The following TNS3 variants were observed in gnomAD, a reference collection of about 807,000 sequenced individuals.
TNS3 encodes the protein tensin-3.
Under a neutral mutation model 140.9 loss-of-function variants are expected in TNS3, and 45 were observed. The ratio of observed to expected loss-of-function variants is 0.32; its 90% confidence interval spans 0.25 to 0.41. The LOEUF is 0.41. Among genes scored for constraint, TNS3 ranks in the 10% least tolerant of loss-of-function variants. The pLI is 1.00. For missense variants in TNS3, 1,716 were observed against 1,906.7 expected (o/e 0.90, Z 1.86); for synonymous variants, 815 against 788.4 (o/e 1.03, Z -0.56).
At chr7:47,414,914 C>T (rs1423543962) in intron 11 of TNS3, among the ~76,000 whole-genome samples, 180 bp downstream of exon 11, 1 of 152,186 alleles carries the variant, frequency 6.6e-6, no homozygotes, top group Admixed American at 6.5e-5. Context: ...CTTGGCCCAA[C>T]CACATAAACA....
Position 47,276,783 on chromosome 7 carries a change from T to C in TNS3, c.*1293A>G, listed in dbSNP as rs963930184. On this transcript the variant is annotated 3_prime_UTR_variant, in exon 31 of 31. Transcript: ENST00000311160. ...AACAGTGGCACTCAAAAACAGCTTGTCAGTACCGGGGTTTCTTCTCTTTTT... is the reference window on the plus strand; with the variant it reads ...AACAGTGGCACTCAAAAACAGCTTGCCAGTACCGGGGTTTCTTCTCTTTTT... 1 of 152,238 alleles carries C rather than the reference T, an allele frequency of 6.6e-6. No individual in the cohort carries two copies. Among genetic ancestry groups the C allele is most frequent in the Non-Finnish European group, 1.5e-5 (1 of 68,078 alleles). 9.4% of individuals were successfully genotyped at this position (152,238 alleles called of 1,614,324 possible). A position where few individuals can be genotyped will look rare whatever the true frequency, so the allele number is the denominator to read the frequency against.
At chr7:47,546,650 A>G (rs923799509) in intron 1 of TNS3, among the ~76,000 whole-genome samples, 45 of 151,756 alleles carry the variant, frequency 3.0e-4, no homozygotes, top group Admixed American at 9.2e-4. Context: ...TAAAAAAAAA[A>G]GTTTTTAAAT....
chr7:47,329,564 G>C (rs1788217246), intron 20 of TNS3, among the ~76,000 whole-genome samples: 1 of 152,184 alleles, frequency 6.6e-6, no homozygotes, highest in Non-Finnish European at 1.5e-5. Flanking sequence ...AAGATCCCTG[G>C]GACCTTCCTC....
intron 1 of TNS3, among the ~76,000 whole-genome samples, chr7:47,535,154 C>T (rs1003608965): frequency 6.6e-5 from 10 of 152,234 alleles, no homozygotes; most frequent in African/African-American, 2.4e-4. Context: ...CCCTGCCCAG[C>T]GCCTGGCAGA....
chr7:47,302,946 C>T lies in TNS3; in HGVS notation c.3457+4G>A, dbSNP rs367969773. On this transcript the variant is annotated splice_donor_region_variant and intron_variant, in intron 22 of 30. Transcript: ENST00000311160. The stretch of plus-strand genomic sequence containing the variant: ...CCCTTCCAACCAGCTGGAAACACAC[C>T]TACCTGGCAGAGGTGAGGCCGCTTC... The T allele has an allele frequency of 6.3e-7, 1 of 1,593,086 alleles. No individual in the cohort carries two copies. The highest frequency in any genetic ancestry group is 8.6e-7 in the Non-Finnish European group (1 of 1,167,520).
intron 2 of TNS3, among the ~76,000 whole-genome samples, chr7:47,514,482 G>A (rs891154634): frequency 1.9e-4 from 29 of 152,234 alleles, no homozygotes; most frequent in African/African-American, 5.5e-4. Context: ...TGGGTTAACT[G>A]CGTGGAACAA....
intron 3 of TNS3, among the ~76,000 whole-genome samples, chr7:47,498,603 T>A (rs1209720950): frequency 2.0e-5 from 3 of 152,206 alleles, no homozygotes; most frequent in Non-Finnish European, 2.9e-5. Flanking sequence ...AAAACAAATA[T>A]CTTGTTTCAA....
chr7:47,352,329 CACAG>C lies in TNS3; in HGVS notation c.2282-5977_2282-5974del, dbSNP rs558236024. Among the ~76,000 whole-genome samples, 1,175 of 152,302 alleles carry C rather than the reference CACAG, an allele frequency of 7.7e-3. 18 individuals carry two copies. The highest frequency in any genetic ancestry group is 0.027 in the African/African-American group (1,120 of 41,548). On this transcript the variant is annotated intron_variant, in intron 17 of 30. Transcript: ENST00000311160. ...ACATTCAGTCTCAGTCTTGTACACT[CACAG>C]ACAGCCTCACACAGTCTCACACTCA...
At chr7:47,298,906 G>A (rs978017945) in intron 23 of TNS3, among the ~76,000 whole-genome samples, 2 of 152,244 alleles carry the variant, frequency 1.3e-5, no homozygotes, top group South Asian at 2.1e-4. Flanking sequence ...TAAACAGCAC[G>A]CAGTGGGAAG....
chr7:47,303,089 C>T lies in TNS3; in HGVS notation c.3318G>A (p.Glu1106=), dbSNP rs771572553. ...AGACTGAGCCCAAAGAACGATCCCC[C>T]TCCGAGGCCCGCTTCTTCTCAGGGA... ...PPLPEKKRAS[E]GDRSLGSVSP... Residue 1106 remains glutamate (E), a synonymous_variant, in exon 22 of 31, where the codon GAG becomes GAA. Coordinates refer to ENST00000311160, the MANE Select transcript of TNS3 (RefSeq NM_022748.12). 6.2e-7 allele frequency: 1 copy of T among 1,614,158 alleles called. No homozygotes were observed. Among genetic ancestry groups the T allele is most frequent in the African/African-American group, 1.3e-5 (1 of 75,076 alleles).
intron 3 of TNS3, among the ~76,000 whole-genome samples, chr7:47,500,099 A>G (rs191319441): frequency 4.9e-4 from 74 of 152,104 alleles, no homozygotes; most frequent in African/African-American, 1.7e-3. Flanking sequence ...ACACACACGC[A>G]CACACACACA....
intron 3 of TNS3, among the ~76,000 whole-genome samples, chr7:47,487,267 T>C (rs1225438631): frequency 2.7e-5 from 4 of 148,714 alleles, no homozygotes; most frequent in Admixed American, 1.4e-4. Context: ...CACTCCAGCC[T>C]GGGCGACAGA....
At chr7:47,476,649 A>G (rs1487217425) in intron 4 of TNS3, among the ~76,000 whole-genome samples, 1 of 152,196 alleles carries the variant, frequency 6.6e-6, no homozygotes, top group Admixed American at 6.5e-5. Flanking sequence ...GACGTGGTGC[A>G]TGCCCCTGAT....
chr7:47,354,914 C>T (rs991496931), intron 17 of TNS3, among the ~76,000 whole-genome samples: 2 of 152,236 alleles, frequency 1.3e-5, no homozygotes, highest in African/African-American at 4.8e-5. Flanking sequence ...GCAGTCCCCA[C>T]ACCAGGCATT....
intron 20 of TNS3, among the ~76,000 whole-genome samples, chr7:47,308,621 A>G (rs1473292800): frequency 6.6e-6 from 1 of 152,186 alleles, no homozygotes; most frequent in Non-Finnish European, 1.5e-5. Flanking sequence ...AGTTGCTTAG[A>G]AACATTTTTA....
At chr7:47,467,168 G>C (rs541347633) in intron 4 of TNS3, among the ~76,000 whole-genome samples, 21 of 152,200 alleles carry the variant, frequency 1.4e-4, no homozygotes, top group Non-Finnish European at 2.9e-4. Context: ...CATGACCCCA[G>C]GTTCTCTTCA....
rs193034418 is a variant in TNS3 at position 47,473,061 on chromosome 7, G to A, written c.-76+8042C>T. On this transcript the variant is annotated intron_variant, in intron 4 of 30. Coordinates refer to ENST00000311160, the MANE Select transcript of TNS3 (RefSeq NM_022748.12). ...CGCCCACGCAGCCCTCCTCCCACCC[G>A]ACTGCTCAGCATCCACACCCATCGT... Among the ~76,000 whole-genome samples, 295 of 152,184 alleles carry A rather than the reference G, an allele frequency of 1.9e-3. 1 individual carries two copies. The highest frequency in any genetic ancestry group is 3.0e-3 in the Admixed American group (46 of 15,284).
chr7:47,429,977 T>C (rs143564916), intron 8 of TNS3, among the ~76,000 whole-genome samples: 391 of 152,256 alleles, frequency 2.6e-3, no homozygotes, highest in African/African-American at 9.0e-3. Flanking sequence ...ACCTCTTGCA[T>C]AAAACTATAT....
Position 47,439,545 on chromosome 7 carries a change from A to G in TNS3, c.92T>C (p.Leu31Pro). Reference protein sequence around the residue: ...FPAGCSEESYLHNLQEVTRML... With the variant: ...FPAGCSEESYPHNLQEVTRML... ...GCGCGTGACCTCCTGTAGGTTGTGC[A>G]GGTAGGACTCCTCAGAGCAGCCGGC... is the stretch of plus-strand genomic sequence containing the variant. Residue 31 changes from leucine to proline, a missense_variant, in exon 6 of 31, where the codon CTG becomes CCG. Leu to Pro is a moderately conservative substitution (Grantham distance 98, BLOSUM62 -3). Around this residue, in one of 3 missense-constraint regions of TNS3, gnomAD observed 337 missense variants for 428.9 expected, o/e 0.79. Transcript: ENST00000311160. 6.2e-7 allele frequency: 1 copy of G among 1,614,068 alleles called. No individual in the cohort carries two copies. Among genetic ancestry groups the G allele is most frequent in the Non-Finnish European group, 8.5e-7 (1 of 1,179,988 alleles).
Sources: gnomAD v4.1 joint callset for allele counts (sites outside exome capture counted in the v4.1 genomes callset) on GRCh38, gnomAD v4.1.1 for gene constraint, gnomAD v4.1.1 regional missense constraint, MANE v1.5 for transcripts, NCBI Gene and HGNC (gene_info 2026-07-23, HGNC 2026-07-21) for gene names.